The following CDK15 variants were observed in gnomAD, a reference collection of about 807,000 sequenced individuals.
The protein encoded by CDK15 is cyclin dependent kinase 15.
In CDK15, 62 loss-of-function variants were observed where a neutral mutation model predicts 60.3. The observed-to-expected ratio is 1.03, with a 90% CI of 0.84 to 1.27. The LOEUF is 1.27. Ranked by LOEUF, CDK15 falls within the 50% of genes most tolerant of loss-of-function variation. The pLI, the probability that CDK15 is intolerant of heterozygous loss-of-function variation, is 0.00. For missense variants in CDK15, 541 were observed against 527.8 expected (o/e 1.03, Z -0.25); for synonymous variants, 194 against 195.7 (o/e 0.99, Z 0.07).
chr2:201,833,914 C>G lies in CDK15; in HGVS notation c.673C>G (p.Leu225Val), dbSNP rs753474054. 1.2e-6 allele frequency: 2 copies of G among 1,613,966 alleles called. No homozygotes were observed. The highest frequency in any genetic ancestry group is 1.1e-5 in the South Asian group (1 of 91,050). ...CCACCAACACGTTCTTCACAGGGAC[C>G]TGAAACCTCAGAACTTACTCATCAG... ...IHHQHVLHRDLKPQNLLISHL... is the reference protein window; with the variant it reads ...IHHQHVLHRDVKPQNLLISHL... Residue 225 changes from leucine (L) to valine (V), a missense_variant, in exon 7 of 14, where the codon CTG (leucine) becomes GTG (valine). By Grantham distance (32) the Leu-to-Val change is conservative. Coordinates refer to ENST00000652192, the MANE Select transcript of CDK15 (RefSeq NM_001366386.2).
chr2:201,869,103 A>G (rs1356957140), intron 10 of CDK15, among the ~76,000 whole-genome samples: 3 of 152,222 alleles, frequency 2.0e-5, no homozygotes. Flanking sequence ...GACACTATTC[A>G]CAATAGCAAA....
intron 3 of CDK15, among the ~76,000 whole-genome samples, chr2:201,809,731 A>G (rs866881283): frequency 1.3e-5 from 2 of 152,010 alleles, no homozygotes; most frequent in Non-Finnish European, 2.9e-5. Context: ...CCTACCCTCC[A>G]TTCCCCGGCA....
At chr2:201,822,745 GAT>G in intron 4 of CDK15, 62 bp from the exon 5 acceptor site, 1 of 886,904 alleles carries the variant, frequency 1.1e-6, no homozygotes, top group Non-Finnish European at 1.8e-6. Context: ...TATACCGTCT[GAT>G]ATCTTTAGAG....
At chr2:201,875,103 C>T (rs894912615) in intron 11 of CDK15, among the ~76,000 whole-genome samples, 55 of 152,184 alleles carry the variant, frequency 3.6e-4, no homozygotes, top group Middle Eastern at 3.2e-3. Flanking sequence ...TGGTGTTTTA[C>T]GCAGTCACAA....
In CDK15 at chr2:201,809,364, T is replaced by A. The variant is rs191985047; in HGVS notation, c.368+1412T>A. Among the ~76,000 whole-genome samples the A allele has an allele frequency of 1.8e-4, 28 of 152,302 alleles. No homozygotes were observed. In the East Asian group the frequency reaches 5.0e-3, roughly 27 times the overall value. ...CTTTATGTTTTCTTTTTCATTTAAC[T>A]CTTTCATCTACTGGGAATTTATATT... On this transcript the variant is annotated intron_variant, in intron 3 of 13. Transcript: ENST00000652192.
chr2:201,876,425 T>C (rs1559146960), intron 11 of CDK15: 2 of 454,706 alleles, frequency 4.4e-6, no homozygotes, highest in Non-Finnish European at 8.4e-6. Flanking sequence ...AAGGCCCAGA[T>C]CCTAATGGTC....
Position 201,878,992 on chromosome 2 carries a change from AT to A in CDK15, c.1059-1035del, listed in dbSNP as rs1464430649. 2.6e-5 allele frequency among the ~76,000 whole-genome samples: 4 copies of A among 152,358 alleles called. No homozygotes were observed. The East Asian group carries it at 7.7e-4, about 29-fold the overall frequency. ...ACAGTTGTACTTAGACATCTGTGTG[AT>A]AATTTGATGAACATCTGACTCCTCT... On this transcript the variant is annotated intron_variant, in intron 11 of 13. Transcript: ENST00000652192.
chr2:201,838,994 G>A (rs1393551318), intron 8 of CDK15, among the ~76,000 whole-genome samples: 1 of 152,070 alleles, frequency 6.6e-6, no homozygotes, highest in Admixed American at 6.5e-5. Context: ...AGGCTGGAGT[G>A]CAGTGGTGCG....
intron 12 of CDK15, among the ~76,000 whole-genome samples, chr2:201,887,280 G>A (rs1699484923): frequency 6.6e-6 from 1 of 152,140 alleles, no homozygotes; most frequent in Non-Finnish European, 1.5e-5. Flanking sequence ...ATATTATAAA[G>A]TATCTCTGAA....
chr2:201,876,794 C>T (rs1226976468), intron 11 of CDK15, among the ~76,000 whole-genome samples: 2 of 152,160 alleles, frequency 1.3e-5, no homozygotes, highest in East Asian at 1.9e-4. Flanking sequence ...AAAACAAAAA[C>T]CTGTTCTTAT....
At chr2:201,853,756 T>C (rs959768539) in intron 9 of CDK15, among the ~76,000 whole-genome samples, 10 of 151,662 alleles carry the variant, frequency 6.6e-5, no homozygotes, top group African/African-American at 2.4e-4. Flanking sequence ...ACTAAGGTAA[T>C]GCCTACCGGG....
chr2:201,847,693 C>G (rs1446458624), intron 9 of CDK15, among the ~76,000 whole-genome samples: 13 of 152,180 alleles, frequency 8.5e-5, no homozygotes, highest in Non-Finnish European at 1.8e-4. Flanking sequence ...ATCCAGCTCA[C>G]TGAATGATGT....
chr2:201,891,025 T>A, intron 13 of CDK15, 98 bp downstream of exon 13: 1 of 633,408 alleles, frequency 1.6e-6, no homozygotes, highest in Non-Finnish European at 2.7e-6. Context: ...AGCACCTCTG[T>A]GCTGTTTCTA....
chr2:201,807,774 T>C (rs747406662), intron 2 of CDK15, 84 bp from the exon 3 acceptor site: 3 of 1,546,432 alleles, frequency 1.9e-6, no homozygotes, highest in East Asian at 2.3e-5. Context: ...CTAATTTCCC[T>C]GGGGAAAAAA....
At chr2:201,823,768 A>G (rs777016053) in intron 6 of CDK15, 41 bp downstream of exon 6, 8 of 1,558,102 alleles carry the variant, frequency 5.1e-6, no homozygotes, top group Non-Finnish European at 7.1e-6. Flanking sequence ...TGGCTTGCCC[A>G]CAGAAGGAGA....
chr2:201,883,839 T>G (rs1412832191), intron 12 of CDK15, among the ~76,000 whole-genome samples: 1 of 152,224 alleles, frequency 6.6e-6, no homozygotes, highest in African/African-American at 2.4e-5. Flanking sequence ...AATTAGGCCC[T>G]TGGCAACTCT....
chr2:201,816,228 G>C (rs531091487), intron 4 of CDK15, among the ~76,000 whole-genome samples: 11 of 152,208 alleles, frequency 7.2e-5, no homozygotes, highest in African/African-American at 2.4e-4. Flanking sequence ...AGTGAGTATA[G>C]TACCTGATAG....
At chr2:201,830,155 G>A (rs972876038) in intron 6 of CDK15, among the ~76,000 whole-genome samples, 2 of 152,070 alleles carry the variant, frequency 1.3e-5, no homozygotes, top group African/African-American at 4.8e-5. Context: ...TGCCCAGGCT[G>A]GTCTCGAACT....
At chr2:201,855,002 C>T in intron 10 of CDK15, 65 bp downstream of exon 10, 5 of 1,448,790 alleles carry the variant, frequency 3.5e-6, no homozygotes, top group African/African-American at 1.4e-5. Flanking sequence ...ATTGGCCACG[C>T]TAACAGGGCG....
Sources: allele counts gnomAD v4.1 joint callset (sites outside exome capture counted in the v4.1 genomes callset), GRCh38; gene constraint gnomAD v4.1.1; transcripts MANE v1.5; gene names NCBI Gene and HGNC (gene_info 2026-07-23, HGNC 2026-07-21).